ZC3H12C: variants seen among roughly 807,000 people sequenced by gnomAD.
The protein encoded by ZC3H12C is probable ribonuclease ZC3H12C.
A neutral mutation model predicts 76.3 loss-of-function variants in ZC3H12C; 20 were observed. That is an observed-to-expected ratio of 0.26 (90% CI 0.18 to 0.38). The LOEUF (loss-of-function observed/expected upper bound fraction) is 0.38, where lower values mean the gene tolerates loss of function less well. ZC3H12C is among the 10% of genes least tolerant of loss of function. The pLI is 1.00. For synonymous variants in ZC3H12C, 352 were observed against 399.6 expected (o/e 0.88, Z 1.42); for missense variants, 874 against 1,086.5 (o/e 0.80, Z 2.75).
At chr11:110,109,515 T>C (rs139708099) in intron 1 of ZC3H12C, among the ~76,000 whole-genome samples, 1 of 152,332 alleles carries the variant, frequency 6.6e-6, no homozygotes, top group African/African-American at 2.4e-5. Context: ...TATTCACTCA[T>C]TCATTCCTTC....
At position 110,093,423 on chromosome 11, in the gene ZC3H12C, C is replaced by A. The variant is rs1163423392; in HGVS notation, c.12C>A (p.Gly4=). MPG[G]GSQEYGVLCI... ...TCGCGGGGCTGGCTATGCCGGGTGG[C>A]GGCTCCCAGGTTTGTCCTCGGGAAG... Residue 4 remains glycine, a synonymous_variant, in exon 1 of 6, where the codon GGC becomes GGA. Coordinates refer to ENST00000278590, the MANE Select transcript of ZC3H12C (RefSeq NM_033390.2). 2.5e-6 allele frequency: 3 copies of A among 1,201,382 alleles called. No individual in the cohort carries two copies. The highest frequency in any genetic ancestry group is 1.0e-6 in the Non-Finnish European group (1 of 965,370). The allele number at this position is 1,201,382 out of a possible 1,614,324, so 74.4% of individuals were successfully genotyped here.
chr11:110,117,531 A>G (rs1218473558), intron 1 of ZC3H12C, among the ~76,000 whole-genome samples: 1 of 151,262 alleles, frequency 6.6e-6, no homozygotes, highest in Non-Finnish European at 1.5e-5. Flanking sequence ...CACTGTTCTG[A>G]GAGTTTTATA....
chr11:110,093,830 C>T (rs1485511989), intron 1 of ZC3H12C, among the ~76,000 whole-genome samples: 1 of 152,066 alleles, frequency 6.6e-6, no homozygotes, highest in African/African-American at 2.4e-5. Context: ...GCCCCAGCGG[C>T]TCAGACTCGC....
chr11:110,110,887 A>G (rs866660231), intron 1 of ZC3H12C, among the ~76,000 whole-genome samples: 2 of 152,232 alleles, frequency 1.3e-5, no homozygotes, highest in Non-Finnish European at 2.9e-5. Context: ...TGTAAGTAGT[A>G]TAATTTAAAG....
intron 2 of ZC3H12C, among the ~76,000 whole-genome samples, chr11:110,139,869 C>CTTTTT (rs58867910): frequency 5.3e-5 from 7 of 131,528 alleles, no homozygotes; most frequent in Non-Finnish European, 1.1e-4. Flanking sequence ...CATATATTTT[C>CTTTTT]TTTTTTTTTT....
At chr11:110,095,462 GAAAC>G (rs1379782732) in intron 1 of ZC3H12C, among the ~76,000 whole-genome samples, 6 of 152,272 alleles carry the variant, frequency 3.9e-5, no homozygotes, top group Non-Finnish European at 5.9e-5. Flanking sequence ...CATTTTTAAA[GAAAC>G]AAACAAGGTA....
chr11:110,136,889 A>G lies in ZC3H12C; in HGVS notation c.248A>G (p.Glu83Gly). ...VGKDEKEASE[E>G]NASSGDSEEN... ...AAGGATGAAAAAGAGGCGTCTGAAG[A>G]GAATGCAAGCTCTGGTGACTCTGAA... The change falls in exon 2 of 6, where the codon GAG becomes GGG. Residue 83 changes from glutamate to glycine, a missense_variant. Coordinates refer to ENST00000278590, the MANE Select transcript of ZC3H12C (RefSeq NM_033390.2). The G allele has an allele frequency of 6.2e-7, 1 of 1,613,874 alleles. No homozygotes were observed. The highest frequency in any genetic ancestry group is 8.5e-7 in the Non-Finnish European group (1 of 1,179,836).
Position 110,165,803 on chromosome 11 carries a change from T to C in ZC3H12C, c.*66T>C. Reference sequence around the variant, plus strand: ...AGCTCAAATGCTGAGGGAGGTTTGCTACAATAGCACATGTGATCTCCTTCT... The same window carrying C: ...AGCTCAAATGCTGAGGGAGGTTTGCCACAATAGCACATGTGATCTCCTTCT... On this transcript the variant is annotated 3_prime_UTR_variant, in exon 6 of 6. Transcript: ENST00000278590. The C allele has an allele frequency of 7.1e-7, 1 of 1,416,504 alleles. No individual in the cohort carries two copies. Among genetic ancestry groups the C allele is most frequent in the Non-Finnish European group, 9.5e-7 (1 of 1,053,854 alleles). The allele number at this position is 1,416,504 out of a possible 1,614,324, so 87.7% of individuals were successfully genotyped here.
chr11:110,135,254 C>T (rs2134175021), intron 1 of ZC3H12C, among the ~76,000 whole-genome samples: 1 of 152,100 alleles, frequency 6.6e-6, no homozygotes, highest in Non-Finnish European at 1.5e-5. Context: ...TTTTGGGAGG[C>T]CAAGGCGGGC....
intron 2 of ZC3H12C, among the ~76,000 whole-genome samples, chr11:110,138,963 T>A (rs950133157): frequency 2.6e-5 from 4 of 152,236 alleles, no homozygotes; most frequent in South Asian, 4.1e-4. Context: ...CTGATGTGGC[T>A]ATTGACTACT....
chr11:110,112,775 T>C (rs1258269741), intron 1 of ZC3H12C, among the ~76,000 whole-genome samples: 1 of 152,180 alleles, frequency 6.6e-6, no homozygotes, highest in Admixed American at 6.5e-5. Flanking sequence ...GTGGTTGGTT[T>C]TGGCAGAGAA....
chr11:110,161,536 G>T (rs1412375902), intron 4 of ZC3H12C, among the ~76,000 whole-genome samples: 2 of 152,136 alleles, frequency 1.3e-5, no homozygotes, highest in Non-Finnish European at 2.9e-5. Flanking sequence ...AATCTAAAAA[G>T]AATATATTTT....
intron 1 of ZC3H12C, among the ~76,000 whole-genome samples, chr11:110,123,895 T>G (rs182458408): frequency 1.2e-3 from 179 of 152,304 alleles, no homozygotes; most frequent in African/African-American, 4.2e-3. Flanking sequence ...GAAGGTGATT[T>G]AAGAGAACAG....
intron 2 of ZC3H12C, among the ~76,000 whole-genome samples, chr11:110,146,862 C>T (rs972058850): frequency 6.6e-6 from 1 of 152,208 alleles, no homozygotes; most frequent in African/African-American, 2.4e-5. Context: ...GCAAGGCTGC[C>T]ATAAAAGTAG....
chr11:110,098,611 T>C (rs2134141285), intron 1 of ZC3H12C, among the ~76,000 whole-genome samples: 1 of 152,334 alleles, frequency 6.6e-6, no homozygotes, highest in South Asian at 2.1e-4. Flanking sequence ...GGTGTACCAT[T>C]TTTATCTTAT....
chr11:110,154,776 GAA>G (rs36169501), intron 3 of ZC3H12C, among the ~76,000 whole-genome samples: 3 of 142,614 alleles, frequency 2.1e-5, no homozygotes, highest in Non-Finnish European at 4.5e-5. Flanking sequence ...GTTGCCTAAG[GAA>G]AAAAAAATCC....
intron 4 of ZC3H12C, among the ~76,000 whole-genome samples, chr11:110,161,470 A>T (rs1862480943): frequency 6.6e-6 from 1 of 152,230 alleles, no homozygotes; most frequent in Non-Finnish European, 1.5e-5. Context: ...AGAAGTAAAT[A>T]TATTTCTAAA....
intron 1 of ZC3H12C, among the ~76,000 whole-genome samples, chr11:110,108,896 A>G (rs2134151599): frequency 6.6e-6 from 1 of 152,358 alleles, no homozygotes; most frequent in African/African-American, 2.4e-5. Context: ...TTCATCTTCC[A>G]CACTGAATCC....
Position 110,165,927 on chromosome 11 carries a change from C to A in ZC3H12C, c.*190C>A. The A allele has an allele frequency of 5.2e-6, 3 of 579,990 alleles. No individual in the cohort carries two copies. Among genetic ancestry groups the A allele is most frequent in the Non-Finnish European group, 5.6e-6 (2 of 358,202 alleles). The allele number at this position is 579,990 out of a possible 1,614,324, so 35.9% of individuals were successfully genotyped here. The stretch of plus-strand genomic sequence containing the variant: ...GTGGAAGTATCACGGGATTGCTTTA[C>A]ATTTAAACTTTTTTTTTTTAACATT... On this transcript the variant is annotated 3_prime_UTR_variant, in exon 6 of 6. Transcript: ENST00000278590.
Sources: allele counts gnomAD v4.1 joint callset (sites outside exome capture counted in the v4.1 genomes callset), GRCh38; gene constraint gnomAD v4.1.1; transcripts MANE v1.5; gene names NCBI Gene and HGNC (gene_info 2026-07-23, HGNC 2026-07-21).